Variants in EPX observed in about 807,000 individuals in gnomAD.
EPX encodes eosinophil peroxidase.
EPX carries 60 observed loss-of-function variants against 73.0 expected under a neutral mutation model. The ratio of observed to expected loss-of-function variants is 0.82; its 90% confidence interval spans 0.67 to 1.02. The LOEUF (loss-of-function observed/expected upper bound fraction) is 1.02. EPX is among the 50% of genes least tolerant of loss of function. EPX has a pLI of 0.00. For synonymous variants in EPX, 347 were observed against 389.2 expected, an observed-to-expected ratio of 0.89 and a Z score of 1.28; for missense variants, 950 against 973.9, an observed-to-expected ratio of 0.98 and a Z score of 0.33.
At position 58,203,272 on chromosome 17, in the gene EPX, G is replaced by A. The variant is rs778029869; in HGVS notation, c.1900G>A (p.Ala634Thr). The change falls in exon 11 of 13, where the codon GCT (alanine) becomes ACT (threonine). Residue 634 changes from alanine (A) to threonine (T), a missense_variant. By Grantham distance (58) the Ala-to-Thr change is moderately conservative. Coordinates refer to ENST00000225371, the MANE Select transcript of EPX (RefSeq NM_000502.6). ...LPGARVGPLL[A>T]CLFENQFRRA... ...GGGGGCTCGAGTGGGGCCTCTTCTG[G>A]CTTGTCTGTTCGAGAACCAGTTCAG... 2 of 1,614,194 alleles carry A rather than the reference G, an allele frequency of 1.2e-6. No individual in the cohort carries two copies. The highest frequency in any genetic ancestry group is 1.1e-5 in the South Asian group (1 of 91,080).
At position 58,195,008 on chromosome 17, in the gene EPX, AC is replaced by A. The variant is rs1469331372; in HGVS notation, c.640del (p.Leu214Ter). ...AGATTGTGCGCTTCCCCAATGAGAG[AC>A]TGACCTCCGACCGTGGCCGAGCCCT... ...NQIVRFPNERLTSDRGRALMF... is the reference protein window; with the variant it reads ...NQIVRFPNERXTSDRGRALMF... On this transcript the variant is annotated frameshift_variant, in exon 6 of 13. Transcript: ENST00000225371. LOFTEE classifies it high-confidence loss of function. The A allele has an allele frequency of 6.2e-7, 1 of 1,614,002 alleles. No homozygotes were observed. The highest frequency in any genetic ancestry group is 1.3e-5 in the African/African-American group (1 of 74,900).
intron 6 of EPX, among the ~76,000 whole-genome samples, chr17:58,196,103 T>A (rs900289341): frequency 1.3e-5 from 2 of 151,684 alleles, no homozygotes; most frequent in African/African-American, 4.8e-5. Flanking sequence ...TTCTTTCTTC[T>A]TTATTATTAT....
intron 6 of EPX, among the ~76,000 whole-genome samples, chr17:58,195,741 CAT>C (rs1387695332): frequency 6.6e-6 from 1 of 152,184 alleles, no homozygotes; most frequent in Non-Finnish European, 1.5e-5. Context: ...CTCACACACA[CAT>C]GTACACACAC....
chr17:58,204,966 G>C lies in EPX; in HGVS notation c.*242G>C, dbSNP rs1968413195. 6.0e-6 allele frequency: 1 copy of C among 165,814 alleles called. No homozygotes were observed. The allele number at this position is 165,814 out of a possible 1,614,324, so 10.3% of individuals were successfully genotyped here. A position where few individuals can be genotyped will look rare whatever the true frequency, so the allele number is the denominator to read the frequency against. On this transcript the variant is annotated 3_prime_UTR_variant, in exon 13 of 13. Transcript: ENST00000225371. ...AATCAGCGCCACGTGCAAAGGCTTG[G>C]GAGCCAAGCCATGTGGTCTTGCACC...
rs1968398394 is a variant in EPX, at chr17:58,204,376, T to G, written c.2101T>G (p.Cys701Gly). 2 of 1,614,054 alleles carry G rather than the reference T, an allele frequency of 1.2e-6. No homozygotes were observed. The highest frequency in any genetic ancestry group is 2.7e-5 in the African/African-American group (2 of 74,932). The change falls in exon 12 of 13, where the codon TGC (cysteine) becomes GGC (glycine). Residue 701 changes from cysteine (C) to glycine (G), a missense_variant. Transcript: ENST00000225371. ...ANIYPRGFVN[C>G]SRIPRLNLSA... Reference sequence around the variant, plus strand: ...CATCTACCCTCGGGGCTTTGTGAACTGCAGCCGTATCCCCAGGTTGAACCT... The same window carrying G: ...CATCTACCCTCGGGGCTTTGTGAACGGCAGCCGTATCCCCAGGTTGAACCT...
Position 58,199,220 on chromosome 17 carries a change from A to T in EPX, c.1281+20A>T. The T allele has an allele frequency of 6.2e-7, 1 of 1,611,658 alleles. No homozygotes were observed. On this transcript the variant is annotated intron_variant, in intron 8 of 12. Coordinates refer to ENST00000225371, the MANE Select transcript of EPX (RefSeq NM_000502.6). ...GTCCAGGTAAGGAGCTCTGCATCCC[A>T]GCATCCCCCAGATGACAAGCTTGGC...
rs373282121 is a variant in EPX at position 58,203,334 on chromosome 17, A to G, written c.1946+16A>G. The stretch of plus-strand genomic sequence containing the variant: ...ACGGAGACAGGTAAGTGACCCTATC[A>G]TAAAAGACATCAGCACCAGAGGCAG... On this transcript the variant is annotated intron_variant, in intron 11 of 12. Coordinates refer to ENST00000225371, the MANE Select transcript of EPX (RefSeq NM_000502.6). The G allele has an allele frequency of 1.9e-6, 3 of 1,538,478 alleles. No individual in the cohort carries two copies. Among genetic ancestry groups the G allele is most frequent in the Non-Finnish European group, 1.8e-6 (2 of 1,110,872 alleles).
intron 11 of EPX, among the ~76,000 whole-genome samples, 191 bp downstream of exon 11, chr17:58,203,509 C>G (rs35209704): frequency 0.015 from 2,253 of 152,220 alleles, 51 homozygotes; most frequent in African/African-American, 0.051. Context: ...CAGGCAAGGC[C>G]CATATTGCCT....
At chr17:58,204,620 TG>T in intron 12 of EPX, 115 bp from the exon 13 acceptor site, 1 of 595,034 alleles carries the variant, frequency 1.7e-6, no homozygotes, top group South Asian at 2.0e-5. Flanking sequence ...CCTAGGACTT[TG>T]GGGGGAAATT....
chr17:58,198,896 C>T (rs1597967655), intron 7 of EPX, 144 bp from the exon 8 acceptor site: 1 of 847,116 alleles, frequency 1.2e-6, no homozygotes, highest in Non-Finnish European at 2.0e-6. Flanking sequence ...TGAGGAGCCT[C>T]AGCACAGCTG....
At chr17:58,202,393 A>T (rs1968353996) in intron 10 of EPX, 1 of 152,354 alleles carries the variant, frequency 6.6e-6, no homozygotes, top group South Asian at 2.1e-4. Context: ...AAACTTCTTT[A>T]TTGAGATATA....
chr17:58,194,940 G>A (rs758018685), intron 5 of EPX, 24 bp from the exon 6 acceptor site: 13 of 1,596,256 alleles, frequency 8.1e-6, no homozygotes, highest in South Asian at 7.8e-5. Flanking sequence ...CCCATGTCCC[G>A]TGCTGATGTT....
chr17:58,196,750 A>C (rs1238688608), intron 6 of EPX, among the ~76,000 whole-genome samples, 189 bp from the exon 7 acceptor site: 1 of 152,124 alleles, frequency 6.6e-6, no homozygotes, highest in Non-Finnish European at 1.5e-5. Flanking sequence ...TAACCTTTTG[A>C]GACTCTATGA....
At chr17:58,193,858 G>A (rs1293652443) in intron 4 of EPX, 27 bp downstream of exon 4, 2 of 1,593,610 alleles carry the variant, frequency 1.3e-6, no homozygotes, top group South Asian at 2.2e-5. Context: ...AGGAGGGGCT[G>A]CCCCTGCCTG....
In EPX at chr17:58,204,880, T is replaced by C. The variant is rs1312713313; in HGVS notation, c.*156T>C. 1 of 197,966 alleles carries C rather than the reference T, an allele frequency of 5.1e-6. No homozygotes were observed. The highest frequency in any genetic ancestry group is 1.0e-5 in the Non-Finnish European group (1 of 95,322). The allele number at this position is 197,966 out of a possible 1,614,324, so 12.3% of individuals were successfully genotyped here. ...GGGTTCCCCAGCCAGGAGTGAAGGC[T>C]GGGGGCTCCTATCAGCAATGGACCT... On this transcript the variant is annotated 3_prime_UTR_variant, in exon 13 of 13. Coordinates refer to ENST00000225371, the MANE Select transcript of EPX (RefSeq NM_000502.6).
chr17:58,203,641 A>G (rs1197532139), intron 11 of EPX, among the ~76,000 whole-genome samples: 1 of 152,142 alleles, frequency 6.6e-6, no homozygotes, highest in Non-Finnish European at 1.5e-5. Context: ...TTTGTGATTT[A>G]AGACCTGACG....
chr17:58,194,154 A>C, intron 5 of EPX, 62 bp downstream of exon 5: 1 of 1,563,962 alleles, frequency 6.4e-7, no homozygotes, highest in South Asian at 1.1e-5. Flanking sequence ...AGTAAAACAC[A>C]GCCCAGAGTC....
chr17:58,199,392 G>A, intron 8 of EPX, 147 bp from the exon 9 acceptor site: 2 of 1,114,966 alleles, frequency 1.8e-6, no homozygotes, highest in Non-Finnish European at 2.7e-6. Context: ...ACCCTCTCTG[G>A]GCTTTGTATC....
chr17:58,203,320 T>C lies in EPX; in HGVS notation c.1946+2T>C. On this transcript the variant is annotated splice_donor_variant, in intron 11 of 12. Transcript: ENST00000225371. LOFTEE classifies it high-confidence loss of function. ...CAGAAGAGCCCGAGACGGAGACAGG[T>C]AAGTGACCCTATCATAAAAGACATC... 6.3e-7 allele frequency: 1 copy of C among 1,595,002 alleles called. No homozygotes were observed. Among genetic ancestry groups the C allele is most frequent in the Non-Finnish European group, 8.6e-7 (1 of 1,162,622 alleles).
Sources: gnomAD v4.1 joint callset for allele counts (sites outside exome capture counted in the v4.1 genomes callset) on GRCh38, gnomAD v4.1.1 for gene constraint, MANE v1.5 for transcripts, NCBI Gene and HGNC (gene_info 2026-07-23, HGNC 2026-07-21) for gene names.